Variants in CEP135 observed in about 807,000 individuals in gnomAD.
The protein encoded by CEP135 is centrosomal protein of 135 kDa.
Under a neutral mutation model 157.3 loss-of-function variants are expected in CEP135, and 142 were observed. The observed-to-expected ratio is 0.90, with a 90% confidence interval of 0.79 to 1.04. CEP135 has a LOEUF of 1.04. Ranked by LOEUF, CEP135 falls within the 50% of genes least tolerant of loss-of-function variation. The probability of loss-of-function intolerance (pLI) is 0.00; values close to 1 mark genes in which losing one functional copy is unlikely to be tolerated. For synonymous variants in CEP135, 396 were observed against 439.8 expected (o/e 0.90, Z 1.25); for missense variants, 1,317 against 1,309.2 (o/e 1.01, Z -0.09).
intron 11 of CEP135, among the ~76,000 whole-genome samples, chr4:55,976,366 TA>T (rs767734081): frequency 6.6e-6 from 1 of 151,936 alleles, no homozygotes; most frequent in Non-Finnish European, 1.5e-5. Flanking sequence ...TCAGGAAAAA[TA>T]AGTGACTGAA....
chr4:56,008,805 A>T (rs773884856), intron 18 of CEP135, among the ~76,000 whole-genome samples: 17 of 152,212 alleles, frequency 1.1e-4, no homozygotes, highest in Non-Finnish European at 2.4e-4. Context: ...AAAGTCACTT[A>T]TTATATTTAT....
chr4:56,018,886 A>G (rs961134393), intron 22 of CEP135, among the ~76,000 whole-genome samples: 1 of 152,184 alleles, frequency 6.6e-6, no homozygotes, highest in African/African-American at 2.4e-5. Flanking sequence ...GCTAGAATTT[A>G]CCTTTCCCAG....
At chr4:56,007,549 C>T (rs910573686) in intron 17 of CEP135, among the ~76,000 whole-genome samples, 2 of 152,218 alleles carry the variant, frequency 1.3e-5, no homozygotes, top group Non-Finnish European at 2.9e-5. Context: ...TACATCCCCA[C>T]TTAGTCTCTG....
chr4:56,030,064 A>C (rs772790978), intron 25 of CEP135, among the ~76,000 whole-genome samples: 1 of 152,204 alleles, frequency 6.6e-6, no homozygotes, highest in Non-Finnish European at 1.5e-5. Flanking sequence ...TCTAAAAGCA[A>C]TGACACAAAC....
chr4:55,984,623 C>A (rs1729515643), intron 13 of CEP135, among the ~76,000 whole-genome samples: 1 of 152,146 alleles, frequency 6.6e-6, no homozygotes, highest in African/African-American at 2.4e-5. Context: ...AATACAGTGA[C>A]CCTTTCAACC....
chr4:55,953,400 G>A lies in CEP135; in HGVS notation c.304+125G>A, dbSNP rs1372295878. ...TATAGTAGTCCTACAGCTGGATGGT[G>A]TGTGCCTATAGTCCCAGCTACTCGG... On this transcript the variant is annotated intron_variant, in intron 3 of 25. Coordinates refer to ENST00000257287, the MANE Select transcript of CEP135 (RefSeq NM_025009.5). The A allele has an allele frequency of 8.9e-6, 6 of 676,404 alleles. No individual in the cohort carries two copies. The African/African-American group carries it at 1.1e-4, about 13-fold the overall frequency. 41.9% of individuals were successfully genotyped at this position (676,404 alleles called of 1,614,324 possible).
chr4:55,959,185 A>C (rs1263947203), intron 5 of CEP135, among the ~76,000 whole-genome samples: 1 of 152,248 alleles, frequency 6.6e-6, no homozygotes, highest in Non-Finnish European at 1.5e-5. Flanking sequence ...GGTAATTTGG[A>C]CAAAATCTTG....
intron 23 of CEP135, 88 bp downstream of exon 23, chr4:56,019,643 T>A: frequency 9.1e-7 from 1 of 1,103,802 alleles, no homozygotes; most frequent in Non-Finnish European, 1.3e-6. Flanking sequence ...AGGTTAAGAG[T>A]ATGAAAGATA....
chr4:56,012,050 T>C (rs977887791), intron 21 of CEP135, 65 bp downstream of exon 21: 2 of 904,360 alleles, frequency 2.2e-6, no homozygotes, highest in Admixed American at 8.0e-5. Flanking sequence ...AAAGATACTT[T>C]ATTTATTTAT....
At chr4:56,002,205 T>C (rs1381867646) in intron 17 of CEP135, among the ~76,000 whole-genome samples, 1 of 152,080 alleles carries the variant, frequency 6.6e-6, no homozygotes, top group East Asian at 1.9e-4. Flanking sequence ...CTAATTTGAC[T>C]TCTTCTTTTC....
chr4:55,970,668 G>A (rs76979961), intron 9 of CEP135, among the ~76,000 whole-genome samples: 2,676 of 152,260 alleles, frequency 0.018, 93 homozygotes, highest in African/African-American at 0.061. Context: ...AGATGTTGCC[G>A]TAGTTACTTT....
At position 55,957,285 on chromosome 4, in the gene CEP135, C is replaced by A; in HGVS notation, c.535C>A (p.Pro179Thr). 1 of 1,614,128 alleles carries A rather than the reference C, an allele frequency of 6.2e-7. No homozygotes were observed. Among genetic ancestry groups the A allele is most frequent in the Non-Finnish European group, 8.5e-7 (1 of 1,179,980 alleles). The change falls in exon 5 of 26, where the codon CCC becomes ACC. Residue 179 changes from proline to threonine, a missense_variant. Pro to Thr is a conservative substitution (Grantham distance 38). Coordinates refer to ENST00000257287, the MANE Select transcript of CEP135 (RefSeq NM_025009.5). ...QRMQIDEPVP[P>T]SEVSSYPVPQ... ...TATGCAAATTGATGAACCGGTTCCT[C>A]CCTCTGAAGTCAGTTCATATCCAGT... is the stretch of plus-strand genomic sequence containing the variant.
intron 6 of CEP135, among the ~76,000 whole-genome samples, chr4:55,962,019 A>G (rs1330647201): frequency 6.6e-6 from 1 of 152,142 alleles, no homozygotes; most frequent in Non-Finnish European, 1.5e-5. Context: ...TAACCACTTT[A>G]CAATGATTAA....
chr4:56,009,717 A>G lies in CEP135; in HGVS notation c.2337-18A>G. The G allele has an allele frequency of 6.3e-7, 1 of 1,587,796 alleles. No homozygotes were observed. Among genetic ancestry groups the G allele is most frequent in the Non-Finnish European group, 8.5e-7 (1 of 1,172,428 alleles). On this transcript the variant is annotated intron_variant, in intron 18 of 25. Transcript: ENST00000257287. ...TTTAAAAGTTTTCTTTATTAGTTTCACATCACTCATTTAACAGCCAGCTGA... is the reference window on the plus strand; with the variant it reads ...TTTAAAAGTTTTCTTTATTAGTTTCGCATCACTCATTTAACAGCCAGCTGA...
In CEP135 at chr4:55,957,370, T is replaced by C. The variant is rs756047797; in HGVS notation, c.614+6T>C. ...CTTCAAGTGGCTGATAACAGGTGCA[T>C]TAAATAATTCTTTCTTGGCTTGAGT... On this transcript the variant is annotated splice_donor_region_variant and intron_variant, in intron 5 of 25. Transcript: ENST00000257287. The C allele has an allele frequency of 6.2e-7, 1 of 1,606,750 alleles. No individual in the cohort carries two copies. Among genetic ancestry groups the C allele is most frequent in the Admixed American group, 1.7e-5 (1 of 57,940 alleles).
chr4:55,965,695 C>T lies in CEP135; in HGVS notation c.880C>T (p.Leu294Phe). The stretch of plus-strand genomic sequence containing the variant: ...AGACCTGGAGAAGCGTATACGAGAG[C>T]TTATGGAAACCAAGGAAACAGTGAC... ...NKDLEKRIRE[L>F]METKETVTSE... Residue 294 changes from leucine (L) to phenylalanine (F), a missense_variant, in exon 8 of 26, where the codon CTT becomes TTT. Coordinates refer to ENST00000257287, the MANE Select transcript of CEP135 (RefSeq NM_025009.5). 6.2e-7 allele frequency: 1 copy of T among 1,613,770 alleles called. No homozygotes were observed. Among genetic ancestry groups the T allele is most frequent in the Non-Finnish European group, 8.5e-7 (1 of 1,179,890 alleles).
At chr4:55,962,123 G>A (rs901887103) in intron 6 of CEP135, among the ~76,000 whole-genome samples, 7 of 150,256 alleles carry the variant, frequency 4.7e-5, no homozygotes, top group East Asian at 3.9e-4. Flanking sequence ...TTTTTGAGAC[G>A]GAGTCTCCCT....
intron 8 of CEP135, among the ~76,000 whole-genome samples, chr4:55,968,318 G>A (rs949757740): frequency 5.3e-5 from 8 of 149,812 alleles, no homozygotes; most frequent in Non-Finnish European, 8.9e-5. Flanking sequence ...ACCCAATATT[G>A]TTAAAGTGTC....
chr4:56,028,769 G>T (rs941422326), intron 25 of CEP135, among the ~76,000 whole-genome samples: 1 of 152,068 alleles, frequency 6.6e-6, no homozygotes, highest in Admixed American at 6.6e-5. Flanking sequence ...GTGTTTTTCC[G>T]ATTCTCATAC....
Sources: gnomAD v4.1 joint callset for allele counts (sites outside exome capture counted in the v4.1 genomes callset) on GRCh38, gnomAD v4.1.1 for gene constraint, MANE v1.5 for transcripts, NCBI Gene and HGNC (gene_info 2026-07-23, HGNC 2026-07-21) for gene names.